MAPKAP1: variants seen among roughly 807,000 people sequenced by gnomAD.
MAPKAP1 encodes target of rapamycin complex 2 subunit MAPKAP1.
MAPKAP1 carries 20 observed loss-of-function variants against 65.7 expected under a neutral mutation model. The observed-to-expected ratio is 0.30, with a 90% CI of 0.21 to 0.44. The LOEUF is 0.44. MAPKAP1 is among the 20% of genes least tolerant of loss of function. The pLI is 1.00. For synonymous variants in MAPKAP1, 222 were observed against 244.3 expected (o/e 0.91, Z 0.85); for missense variants, 423 against 648.0 (o/e 0.65, Z 3.77).
chr9:125,576,752 C>A (rs906007517), intron 5 of MAPKAP1, among the ~76,000 whole-genome samples: 76 of 152,354 alleles, frequency 5.0e-4, no homozygotes, highest in Non-Finnish European at 8.5e-4. Flanking sequence ...AGCTCCTAAC[C>A]GCGAGTGATC....
chr9:125,692,955 C>G (rs1835213223), intron 1 of MAPKAP1, among the ~76,000 whole-genome samples: 1 of 152,148 alleles, frequency 6.6e-6, no homozygotes, highest in South Asian at 2.1e-4. Context: ...ACCTACATTT[C>G]TAGTTGAAGG....
At position 125,595,083 on chromosome 9, in the gene MAPKAP1, T is replaced by C. The variant is rs1284214400; in HGVS notation, c.499-9356A>G. Among the ~76,000 whole-genome samples, 1 of 152,230 alleles carries C rather than the reference T, an allele frequency of 6.6e-6. No individual in the cohort carries two copies. Among genetic ancestry groups the C allele is most frequent in the Non-Finnish European group, 1.5e-5 (1 of 68,034 alleles). On this transcript the variant is annotated intron_variant, in intron 4 of 11. Coordinates refer to ENST00000265960, the MANE Select transcript of MAPKAP1 (RefSeq NM_001006617.3). The surrounding 1 kb of genome is among the most constrained non-coding windows in gnomAD (Gnocchi z 4.0). ...TATGGTGGTACCACCTATTCTCCCA[T>C]TTTTAGAAATGGAAGCTGTTTACAA...
intron 1 of MAPKAP1, among the ~76,000 whole-genome samples, chr9:125,704,431 T>C (rs1835698207): frequency 6.6e-6 from 1 of 152,156 alleles, no homozygotes; most frequent in African/African-American, 2.4e-5. Flanking sequence ...TCCTGGGGAC[T>C]TCTACCTTAG....
intron 4 of MAPKAP1, among the ~76,000 whole-genome samples, chr9:125,594,306 A>C (rs1038943952): frequency 6.6e-6 from 1 of 152,234 alleles, no homozygotes; most frequent in Non-Finnish European, 1.5e-5. Flanking sequence ...CCAACTCCTT[A>C]GGTGGCAGTT....
chr9:125,699,335 A>G (rs1421341814), intron 1 of MAPKAP1, among the ~76,000 whole-genome samples: 1 of 151,420 alleles, frequency 6.6e-6, no homozygotes, highest in Non-Finnish European at 1.5e-5. Flanking sequence ...CGGCCTCCCA[A>G]GTAGCTGGGA....
At chr9:125,689,196 G>C (rs1316560702) in intron 1 of MAPKAP1, among the ~76,000 whole-genome samples, 1 of 151,896 alleles carries the variant, frequency 6.6e-6, no homozygotes, top group African/African-American at 2.4e-5. Context: ...CCAGCACTTT[G>C]GGAGGCCGAG....
At chr9:125,660,778 TATC>T (rs1834162021) in intron 3 of MAPKAP1, among the ~76,000 whole-genome samples, 1 of 152,198 alleles carries the variant, frequency 6.6e-6, no homozygotes, top group South Asian at 2.1e-4. Flanking sequence ...AACGCTGTGT[TATC>T]ATCACCTTAA....
chr9:125,441,508 C>T (rs375471297), intron 11 of MAPKAP1, among the ~76,000 whole-genome samples: 2 of 152,174 alleles, frequency 1.3e-5, no homozygotes, highest in South Asian at 2.1e-4. Context: ...AAATGGGAGA[C>T]GTTCCTATTT....
At chr9:125,675,864 T>A (rs544845396) in intron 1 of MAPKAP1, among the ~76,000 whole-genome samples, 7 of 152,228 alleles carry the variant, frequency 4.6e-5, no homozygotes, top group Non-Finnish European at 8.8e-5. Context: ...ATTGTCTTTT[T>A]TTCGTAATAC....
chr9:125,446,687 G>A (rs970738696), intron 10 of MAPKAP1, among the ~76,000 whole-genome samples: 2 of 152,114 alleles, frequency 1.3e-5, no homozygotes, highest in African/African-American at 4.8e-5. Context: ...AAAGACACCA[G>A]GGCCTGGGGC....
chr9:125,500,254 C>G (rs1828931512), intron 8 of MAPKAP1, among the ~76,000 whole-genome samples: 1 of 152,006 alleles, frequency 6.6e-6, no homozygotes, highest in South Asian at 2.1e-4. Context: ...GTGGCGTGAT[C>G]TTGGCTCACT....
In MAPKAP1 at chr9:125,438,257, C is replaced by G. The variant is rs1296111608; in HGVS notation, c.*630G>C. The G allele has an allele frequency of 2.5e-6, 1 of 397,116 alleles. No homozygotes were observed. The highest frequency in any genetic ancestry group is 2.1e-5 in the African/African-American group (1 of 48,610). The allele number at this position is 397,116 out of a possible 1,614,324, so 24.6% of individuals were successfully genotyped here. A position where few individuals can be genotyped will look rare whatever the true frequency, so the allele number is the denominator to read the frequency against. On this transcript the variant is annotated 3_prime_UTR_variant, in exon 12 of 12. Transcript: ENST00000265960. ...CGGCCTTGGACACACCACTAGGTCTCTGTTCCTAACTTTTAGTAAGACACT... is the reference window on the plus strand; with the variant it reads ...CGGCCTTGGACACACCACTAGGTCTGTGTTCCTAACTTTTAGTAAGACACT...
intron 8 of MAPKAP1, among the ~76,000 whole-genome samples, chr9:125,491,139 C>CAA (rs34339738): frequency 0.042 from 5,088 of 119,734 alleles, 311 homozygotes; most frequent in African/African-American, 0.15. Flanking sequence ...GACTCCGTCT[C>CAA]AAAAAAAAAA....
intron 4 of MAPKAP1, among the ~76,000 whole-genome samples, chr9:125,594,716 C>CACTTTATGTAATTACACTTTATGTA (rs1832074550): frequency 6.6e-6 from 1 of 152,182 alleles, no homozygotes; most frequent in African/African-American, 2.4e-5. Context: ...CACACTCTCT[C>CACTTTATGTAATTACACTTTATGTA]ATTCAGCTGT....
intron 9 of MAPKAP1, among the ~76,000 whole-genome samples, chr9:125,475,555 TG>T (rs1348854496): frequency 5.3e-5 from 8 of 152,182 alleles, no homozygotes; most frequent in Admixed American, 5.2e-4. Context: ...CTGTTAGGCT[TG>T]GCACGCAAAA....
intron 1 of MAPKAP1, 146 bp downstream of exon 1, chr9:125,706,825 A>C: frequency 1.0e-5 from 3 of 294,152 alleles, no homozygotes; most frequent in East Asian, 5.5e-5. Flanking sequence ...ATGGCCAGGA[A>C]ACGAACGCGC....
chr9:125,637,141 C>T (rs1833448196), intron 4 of MAPKAP1, among the ~76,000 whole-genome samples: 1 of 151,956 alleles, frequency 6.6e-6, no homozygotes, highest in African/African-American at 2.4e-5. Context: ...TGGTGGCGCA[C>T]ACCTGTAATC....
intron 5 of MAPKAP1, among the ~76,000 whole-genome samples, chr9:125,577,350 C>T (rs1831447615): frequency 6.6e-6 from 1 of 150,788 alleles, no homozygotes; most frequent in South Asian, 2.1e-4. Flanking sequence ...AAGTGAGGAG[C>T]GTCTCCGCCC....
chr9:125,644,471 C>T (rs560932), intron 4 of MAPKAP1, among the ~76,000 whole-genome samples: 136,102 of 152,242 alleles, frequency 0.89, 61,644 homozygotes, highest in East Asian at 1. Context: ...GTTAAGAGAC[C>T]AGATAAAGAA....
Sources: allele counts gnomAD v4.1 joint callset (sites outside exome capture counted in the v4.1 genomes callset), GRCh38; gene constraint gnomAD v4.1.1; non-coding constraint Gnocchi (gnomAD v3.1); transcripts MANE v1.5; gene names NCBI Gene and HGNC (gene_info 2026-07-23, HGNC 2026-07-21).